ATR: variants seen among roughly 807,000 people sequenced by gnomAD.
ATR encodes serine/threonine-protein kinase ATR.
Under a neutral mutation model 305.3 loss-of-function variants are expected in ATR, and 142 were observed. The observed-to-expected ratio is 0.47, with a 90% confidence interval of 0.41 to 0.53. ATR has a LOEUF of 0.53. ATR is among the 20% of genes least tolerant of loss of function. The probability of loss-of-function intolerance (pLI) is 0.00; values close to 1 mark genes in which losing one functional copy is unlikely to be tolerated. For missense variants in ATR, 2,135 were observed against 3,133.1 expected, an observed-to-expected ratio of 0.68 and a Z score of 7.60; for synonymous variants, 1,050 against 1,068.1, an observed-to-expected ratio of 0.98 and a Z score of 0.33.
In ATR at chr3:142,474,174, G is replaced by A. The variant is rs187210534; in HGVS notation, c.6222-3991C>T. ...ACTCCTGACCTCAAGTGATCCACCTGCCTCAGTTTCCCAAAGTGCTGGGAT... is the reference window on the plus strand; with the variant it reads ...ACTCCTGACCTCAAGTGATCCACCTACCTCAGTTTCCCAAAGTGCTGGGAT... On this transcript the variant is annotated intron_variant, in intron 36 of 46. Coordinates refer to ENST00000350721, the MANE Select transcript of ATR (RefSeq NM_001184.4). Among the ~76,000 whole-genome samples, 56 of 151,496 alleles carry A rather than the reference G, an allele frequency of 3.7e-4. 1 individual carries two copies. The highest frequency in any genetic ancestry group is 1.1e-3 in the African/African-American group (47 of 41,338).
At position 142,576,793 on chromosome 3, in the gene ATR, G is replaced by A. The variant is rs1397074880; in HGVS notation, c.59+1853C>T. Among the ~76,000 whole-genome samples the A allele has an allele frequency of 2.6e-5, 4 of 152,098 alleles. No homozygotes were observed. In the East Asian group the frequency reaches 7.7e-4, roughly 29 times the overall value. ...ATAGTTGAAGGCAGGAGAGTGGAAAGGTCATTTAGCAAGATTATGCAGAGC... is the reference window on the plus strand; with the variant it reads ...ATAGTTGAAGGCAGGAGAGTGGAAAAGTCATTTAGCAAGATTATGCAGAGC... On this transcript the variant is annotated intron_variant, in intron 1 of 46. Coordinates refer to ENST00000350721, the MANE Select transcript of ATR (RefSeq NM_001184.4).
intron 36 of ATR, among the ~76,000 whole-genome samples, chr3:142,482,266 CA>C (rs373798040): frequency 1.2e-4 from 18 of 152,254 alleles, no homozygotes; most frequent in African/African-American, 4.1e-4. Flanking sequence ...ATTATTCAGT[CA>C]GGGGATAAAT....
intron 21 of ATR, among the ~76,000 whole-genome samples, chr3:142,532,176 C>T (rs1455639278): frequency 6.6e-6 from 1 of 152,186 alleles, no homozygotes; most frequent in Non-Finnish European, 1.5e-5. Flanking sequence ...AGAAATCACC[C>T]ATCTTCTGCG....
At chr3:142,504,280 TG>T (rs2032126792) in intron 29 of ATR, among the ~76,000 whole-genome samples, 2 of 152,148 alleles carry the variant, frequency 1.3e-5, no homozygotes, top group Admixed American at 1.3e-4. Flanking sequence ...AATATGAAAA[TG>T]TTTCTCAGGC....
intron 3 of ATR, among the ~76,000 whole-genome samples, chr3:142,565,733 TAAAAAAAAAAAAA>T (rs55690216): frequency 2.5e-5 from 2 of 79,324 alleles, no homozygotes; most frequent in South Asian, 4.3e-4. Context: ...CTGTCTTATT[TAAAAAAAAAAAAA>T]AAAAAAAAAA....
intron 13 of ATR, 113 bp downstream of exon 13, chr3:142,553,114 A>G: frequency 1.5e-6 from 2 of 1,346,520 alleles, no homozygotes. Flanking sequence ...TAAAATATAA[A>G]TTGAAGAAAA....
chr3:142,451,906 G>A, intron 46 of ATR: 4 of 1,299,372 alleles, frequency 3.1e-6, no homozygotes, highest in Non-Finnish European at 4.0e-6. Context: ...GTCAGATATT[G>A]GAATCCCTCA....
At chr3:142,496,944 AC>A (rs2108335010) in intron 33 of ATR, 68 bp downstream of exon 33, 1 of 1,494,352 alleles carries the variant, frequency 6.7e-7, no homozygotes, top group Non-Finnish European at 9.2e-7. Flanking sequence ...AAATACAAAC[AC>A]CCCCAAATAA....
intron 35 of ATR, among the ~76,000 whole-genome samples, chr3:142,488,213 A>G (rs1019279685): frequency 2.6e-5 from 4 of 152,132 alleles, no homozygotes; most frequent in Non-Finnish European, 5.9e-5. Context: ...TTCTGGTCCA[A>G]TGGTCCTTTC....
At chr3:142,500,793 A>G (rs1359854078) in intron 30 of ATR, among the ~76,000 whole-genome samples, 2 of 152,170 alleles carry the variant, frequency 1.3e-5, no homozygotes, top group Non-Finnish European at 2.9e-5. Flanking sequence ...CAAAAGTCCA[A>G]TTTTGAAGGA....
chr3:142,470,159 G>A lies in ATR; in HGVS notation c.6246C>T (p.Phe2082=), dbSNP rs757111609. The change falls in exon 37 of 47, where the codon TTC becomes TTT. Residue 2082 remains phenylalanine (F), a synonymous_variant. Transcript: ENST00000350721. ...ACATTCGTGGCATTGACTGATATAT[G>A]AACTGATTTCCATATTGTAGAGATC... The part of the protein sequence containing the change: ...FGRSLQYGNQ[F]IYQSMPRMLT... 1 of 1,608,416 alleles carries A rather than the reference G, an allele frequency of 6.2e-7. No individual in the cohort carries two copies. Among genetic ancestry groups the A allele is most frequent in the Non-Finnish European group, 8.5e-7 (1 of 1,176,122 alleles).
chr3:142,464,806 C>T (rs944423236), intron 41 of ATR, among the ~76,000 whole-genome samples: 2 of 152,024 alleles, frequency 1.3e-5, no homozygotes, highest in Non-Finnish European at 2.9e-5. Flanking sequence ...GATGGTTGTA[C>T]AACAATGTGA....
intron 24 of ATR, among the ~76,000 whole-genome samples, chr3:142,518,482 A>G (rs2033003849): frequency 6.6e-6 from 1 of 152,224 alleles, no homozygotes; most frequent in Non-Finnish European, 1.5e-5. Flanking sequence ...GCATCACTGC[A>G]CTCCAGCCTG....
chr3:142,508,787 G>A (rs1322306713), intron 27 of ATR, among the ~76,000 whole-genome samples: 2 of 151,976 alleles, frequency 1.3e-5, no homozygotes, highest in Admixed American at 6.5e-5. Flanking sequence ...AGCCGGGCGT[G>A]GTGACGGGTG....
chr3:142,534,954 T>A, intron 21 of ATR, 126 bp downstream of exon 21: 1 of 1,050,098 alleles, frequency 9.5e-7, no homozygotes, highest in South Asian at 1.7e-5. Flanking sequence ...TCAGATCTGA[T>A]AATTCAGGTA....
At chr3:142,512,237 AAG>A (rs1553762024) in intron 27 of ATR, 21 bp downstream of exon 27, 12 of 1,569,506 alleles carry the variant, frequency 7.6e-6, no homozygotes, top group South Asian at 2.3e-5. Context: ...AAAAAAAAAA[AAG>A]AAACAGAAGT....
intron 44 of ATR, among the ~76,000 whole-genome samples, chr3:142,458,677 C>G (rs1176815725): frequency 6.6e-6 from 1 of 152,136 alleles, no homozygotes; most frequent in East Asian, 1.9e-4. Context: ...ATGAACTGAT[C>G]TGCCCTTATT....
chr3:142,540,102 T>G (rs1269001784), intron 18 of ATR, among the ~76,000 whole-genome samples: 2 of 152,128 alleles, frequency 1.3e-5, no homozygotes, highest in East Asian at 1.9e-4. Flanking sequence ...AGCATCTATA[T>G]CTAAGTACCC....
intron 21 of ATR, among the ~76,000 whole-genome samples, chr3:142,532,712 C>T (rs2033707451): frequency 1.3e-5 from 2 of 152,204 alleles, no homozygotes; most frequent in South Asian, 4.1e-4. Context: ...TACACCCAAT[C>T]ATTTGTTTAG....
Sources: allele counts gnomAD v4.1 joint callset (sites outside exome capture counted in the v4.1 genomes callset), GRCh38; gene constraint gnomAD v4.1.1; transcripts MANE v1.5; gene names NCBI Gene and HGNC (gene_info 2026-07-23, HGNC 2026-07-21).